Variants in LRRC8D observed in about 807,000 individuals in gnomAD.
The protein encoded by LRRC8D is leucine rich repeat containing 8 VRAC subunit D, also known as volume-regulated anion channel subunit LRRC8D.
LRRC8D carries 20 observed loss-of-function variants against 55.8 expected under a neutral mutation model. The ratio of observed to expected loss-of-function variants is 0.36; its 90% CI spans 0.25 to 0.52. The LOEUF (loss-of-function observed/expected upper bound fraction) is 0.52. LRRC8D is among the 20% of genes least tolerant of loss of function. The pLI is 0.93. For missense variants in LRRC8D, 651 were observed against 1,030.8 expected (o/e 0.63, Z 5.05); for synonymous variants, 352 against 377.0 (o/e 0.93, Z 0.77).
At chr1:89,889,536 TA>T (rs1662508299) in intron 2 of LRRC8D, among the ~76,000 whole-genome samples, 1 of 151,516 alleles carries the variant, frequency 6.6e-6, no homozygotes. Flanking sequence ...GGCAGTAACT[TA>T]AATTTCCTCT....
chr1:89,922,138 G>A (rs764984651), intron 2 of LRRC8D, among the ~76,000 whole-genome samples: 3 of 151,678 alleles, frequency 2.0e-5, no homozygotes, highest in Admixed American at 6.6e-5. Flanking sequence ...ATCTTGGCTC[G>A]CTGAAACCTC....
intron 2 of LRRC8D, among the ~76,000 whole-genome samples, chr1:89,882,663 C>G (rs973981333): frequency 1.3e-5 from 2 of 152,184 alleles, no homozygotes; most frequent in Non-Finnish European, 2.9e-5. Flanking sequence ...TTTTTGTATT[C>G]CCAGCAGAGT....
intron 1 of LRRC8D, among the ~76,000 whole-genome samples, chr1:89,832,714 A>G (rs1215963078): frequency 6.6e-6 from 1 of 152,216 alleles, no homozygotes; most frequent in African/African-American, 2.4e-5. Flanking sequence ...AGATCCTATC[A>G]GGAAGTGAAA....
chr1:89,896,662 AT>A (rs768942337), intron 2 of LRRC8D, among the ~76,000 whole-genome samples: 4 of 152,180 alleles, frequency 2.6e-5, no homozygotes, highest in Non-Finnish European at 5.9e-5. Flanking sequence ...AGTCAAATAG[AT>A]TAGCATTCAG....
intron 2 of LRRC8D, among the ~76,000 whole-genome samples, chr1:89,917,395 A>G (rs1485849289): frequency 6.6e-6 from 1 of 152,078 alleles, no homozygotes; most frequent in Non-Finnish European, 1.5e-5. Flanking sequence ...TCAACCTCCA[A>G]TCTGCAGCTG....
chr1:89,862,345 A>C (rs981167603), intron 2 of LRRC8D, among the ~76,000 whole-genome samples: 4 of 152,170 alleles, frequency 2.6e-5, no homozygotes, highest in African/African-American at 9.7e-5. Flanking sequence ...ATTGTAGCTC[A>C]AAGAAGGCTA....
chr1:89,881,736 A>T (rs1405604269), intron 2 of LRRC8D, among the ~76,000 whole-genome samples: 2 of 152,044 alleles, frequency 1.3e-5, no homozygotes, highest in African/African-American at 4.8e-5. Context: ...ATGAATTGTG[A>T]TTTCCATCCA....
chr1:89,913,681 A>C (rs1218032162), intron 2 of LRRC8D, among the ~76,000 whole-genome samples: 1 of 152,216 alleles, frequency 6.6e-6, no homozygotes, highest in Non-Finnish European at 1.5e-5. Context: ...GATTCAGTAC[A>C]ACTTGTGGTA....
intron 1 of LRRC8D, chr1:89,843,121 A>C (rs1459286327): frequency 6.6e-6 from 1 of 152,278 alleles, no homozygotes. Flanking sequence ...GCTGTAGTGG[A>C]TATACTGGGA....
At chr1:89,894,438 A>G (rs1424825782) in intron 2 of LRRC8D, among the ~76,000 whole-genome samples, 1 of 152,194 alleles carries the variant, frequency 6.6e-6, no homozygotes, top group Non-Finnish European at 1.5e-5. Context: ...TATAGTAGAA[A>G]TGTGATTCCT....
rs532439687 is a variant in LRRC8D, at chr1:89,884,760, G to A, written c.-3+40978G>A. Among the ~76,000 whole-genome samples, 64 of 152,130 alleles carry A rather than the reference G, an allele frequency of 4.2e-4. 1 individual carries two copies. Among genetic ancestry groups the A allele is most frequent in the African/African-American group, 1.4e-3 (60 of 41,414 alleles). On this transcript the variant is annotated intron_variant, in intron 2 of 2. Coordinates refer to ENST00000337338, the MANE Select transcript of LRRC8D (RefSeq NM_001134479.2). Reference sequence around the variant, plus strand: ...AATTAGGTTTATAAAACTCAGATACGCTTGGAACCAGAGAACGGCACAGTA... The same window carrying A: ...AATTAGGTTTATAAAACTCAGATACACTTGGAACCAGAGAACGGCACAGTA...
Position 89,933,296 on chromosome 1 carries a change from C to A in LRRC8D, c.228C>A (p.Thr76=). 14 of 1,614,134 alleles carry A rather than the reference C, an allele frequency of 8.7e-6. No homozygotes were observed. The highest frequency in any genetic ancestry group is 1.2e-5 in the Non-Finnish European group (14 of 1,180,024). Residue 76 remains threonine, a synonymous_variant, in exon 3 of 3, where the codon ACC becomes ACA. Transcript: ENST00000337338. The surrounding 1 kb of genome is among the most constrained non-coding windows in gnomAD (Gnocchi z 7.0). ...CACCACCAGGAAATGCCGAGGTCAC[C>A]ACCAACATCCCAAAGATGGAAGCAG... is the stretch of plus-strand genomic sequence containing the variant. ...AHTPPGNAEV[T]TNIPKMEAAT...
At chr1:89,910,229 C>A (rs1033594321) in intron 2 of LRRC8D, among the ~76,000 whole-genome samples, 1 of 152,166 alleles carries the variant, frequency 6.6e-6, no homozygotes, top group South Asian at 2.1e-4. Flanking sequence ...GAGGACTGTT[C>A]CAGCACACTG....
intron 2 of LRRC8D, among the ~76,000 whole-genome samples, chr1:89,922,452 A>G (rs1048989681): frequency 4.6e-5 from 7 of 152,214 alleles, no homozygotes; most frequent in Admixed American, 1.3e-4. Flanking sequence ...GGATTACTCT[A>G]TGTGCGTGGT....
At chr1:89,905,182 GA>G (rs1320817426) in intron 2 of LRRC8D, among the ~76,000 whole-genome samples, 5 of 152,116 alleles carry the variant, frequency 3.3e-5, no homozygotes, top group Admixed American at 1.3e-4. Context: ...ATAGTTTGAA[GA>G]AACTTTTCAA....
intron 2 of LRRC8D, among the ~76,000 whole-genome samples, chr1:89,874,910 T>C (rs553009867): frequency 6.6e-6 from 1 of 152,326 alleles, no homozygotes; most frequent in South Asian, 2.1e-4. Context: ...GACTTTACCA[T>C]GATTGTCATT....
chr1:89,850,833 T>G (rs1661397267), intron 2 of LRRC8D, among the ~76,000 whole-genome samples: 1 of 152,220 alleles, frequency 6.6e-6, no homozygotes, highest in South Asian at 2.1e-4. Flanking sequence ...CTTATTGTTA[T>G]GATTGATACA....
chr1:89,866,016 T>A (rs1181934286), intron 2 of LRRC8D, among the ~76,000 whole-genome samples: 1 of 152,240 alleles, frequency 6.6e-6, no homozygotes, highest in East Asian at 1.9e-4. Flanking sequence ...GCCTCCTCTT[T>A]ATAATTTTTG....
intron 2 of LRRC8D, among the ~76,000 whole-genome samples, chr1:89,844,543 G>A (rs1418394158): frequency 6.6e-6 from 1 of 152,188 alleles, no homozygotes; most frequent in Non-Finnish European, 1.5e-5. Flanking sequence ...TATGAGCCAG[G>A]CATCTTTATT....
Sources: gnomAD v4.1 joint callset for allele counts (sites outside exome capture counted in the v4.1 genomes callset) on GRCh38, gnomAD v4.1.1 for gene constraint, Gnocchi (gnomAD v3.1) non-coding constraint, MANE v1.5 for transcripts, NCBI Gene and HGNC (gene_info 2026-07-23, HGNC 2026-07-21) for gene names.